The following PPARGC1A variants were observed in gnomAD, a reference collection of about 807,000 sequenced individuals.
PPARGC1A encodes the protein peroxisome proliferator-activated receptor gamma coactivator 1-alpha.
In PPARGC1A, 25 loss-of-function variants were observed where a neutral mutation model predicts 88.7. The ratio of observed to expected loss-of-function variants is 0.28; its 90% CI spans 0.21 to 0.39. The LOEUF (loss-of-function observed/expected upper bound fraction) is 0.39. PPARGC1A is among the 10% of genes least tolerant of loss of function. The probability of loss-of-function intolerance (pLI) is 1.00; values close to 1 mark genes in which losing one functional copy is unlikely to be tolerated. For synonymous variants in PPARGC1A, 363 were observed against 355.6 expected (o/e 1.02, Z -0.24); for missense variants, 880 against 968.7 (o/e 0.91, Z 1.22).
chr4:23,994,496 A>C, the PPARGC1A span, among the ~76,000 whole-genome samples: 1 of 152,166 alleles, frequency 6.6e-6, no homozygotes, highest in Non-Finnish European at 1.5e-5. Flanking sequence ...TATTGGGCAG[A>C]GAAGGGGGGG....
At chr4:24,175,570 T>C in the PPARGC1A span, among the ~76,000 whole-genome samples, 1 of 137,228 alleles carries the variant, frequency 7.3e-6, no homozygotes, top group Non-Finnish European at 1.6e-5. Flanking sequence ...GTATTTTTAG[T>C]AGAGATGGGG....
the PPARGC1A span, among the ~76,000 whole-genome samples, chr4:23,954,776 C>T: frequency 6.6e-6 from 1 of 151,944 alleles, no homozygotes; most frequent in Non-Finnish European, 1.5e-5. Context: ...ATATCTGAGT[C>T]AATTTCTCTA....
chr4:23,991,587 A>T, the PPARGC1A span, among the ~76,000 whole-genome samples: 5 of 152,070 alleles, frequency 3.3e-5, no homozygotes, highest in African/African-American at 1.2e-4. Context: ...AAAGAGGCAA[A>T]TCCTGCTCTT....
At chr4:23,814,698 T>A (rs1470497396) in intron 7 of PPARGC1A, 93 bp from the exon 8 acceptor site, 1 of 1,202,422 alleles carries the variant, frequency 8.3e-7, no homozygotes, top group Non-Finnish European at 1.1e-6. Flanking sequence ...GTTTCTAATT[T>A]TTCCAAGATT....
At chr4:24,344,758 T>C in the PPARGC1A span, among the ~76,000 whole-genome samples, 2 of 152,192 alleles carry the variant, frequency 1.3e-5, no homozygotes, top group Admixed American at 1.3e-4. Flanking sequence ...TTTAGTTTAA[T>C]TAGGTCCTAG....
chr4:24,433,914 C>A, the PPARGC1A span, among the ~76,000 whole-genome samples: 1 of 152,134 alleles, frequency 6.6e-6, no homozygotes, highest in African/African-American at 2.4e-5. Flanking sequence ...CCTTTATTAA[C>A]AAAAGGACAC....
chr4:24,348,487 G>GAA, the PPARGC1A span, among the ~76,000 whole-genome samples: 1 of 152,098 alleles, frequency 6.6e-6, no homozygotes, highest in Non-Finnish European at 1.5e-5. Context: ...CTTCTTGGAG[G>GAA]CTTTGTTCAT....
the PPARGC1A span, among the ~76,000 whole-genome samples, chr4:24,109,015 CA>C: frequency 6.7e-6 from 1 of 149,762 alleles, no homozygotes; most frequent in East Asian, 2.1e-4. Context: ...CACACACACA[CA>C]CACCACACAC....
the PPARGC1A span, among the ~76,000 whole-genome samples, chr4:24,126,984 C>T: frequency 6.6e-6 from 1 of 152,160 alleles, no homozygotes; most frequent in African/African-American, 2.4e-5. Flanking sequence ...CCTGGGTGGC[C>T]ATTTCCTATC....
In PPARGC1A at chr4:23,797,991, T is replaced by C. The variant is rs947369237; in HGVS notation, c.2294-2066A>G. On this transcript the variant is annotated intron_variant, in intron 12 of 12. Transcript: ENST00000264867. ...CCTGTTCCTGCCTTAACTGATGACA[T>C]TGTCTTGTGAAATTCCTTCTCCTGG... is the stretch of plus-strand genomic sequence containing the variant. Among the ~76,000 whole-genome samples the C allele has an allele frequency of 2.6e-4, 40 of 152,106 alleles. 2 individuals are homozygous for C. The highest frequency in any genetic ancestry group is 1.4e-4 in the African/African-American group (6 of 41,408).
the PPARGC1A span, among the ~76,000 whole-genome samples, chr4:24,003,441 A>G: frequency 1.3e-5 from 2 of 152,234 alleles, no homozygotes; most frequent in South Asian, 4.1e-4. Context: ...GTGCAGTCAA[A>G]GAAGATTGGC....
chr4:24,284,249 C>G, the PPARGC1A span, among the ~76,000 whole-genome samples: 1 of 152,070 alleles, frequency 6.6e-6, no homozygotes, highest in Admixed American at 6.6e-5. Flanking sequence ...GCAGAGGTTG[C>G]AATGAACCGA....
At chr4:23,990,739 A>G in the PPARGC1A span, among the ~76,000 whole-genome samples, 7 of 152,178 alleles carry the variant, frequency 4.6e-5, no homozygotes, top group African/African-American at 7.2e-5. Flanking sequence ...ACAGAAATGG[A>G]GGAGCATCCA....
the PPARGC1A span, among the ~76,000 whole-genome samples, chr4:24,022,418 C>A: frequency 1.3e-5 from 2 of 152,168 alleles, no homozygotes; most frequent in African/African-American, 4.8e-5. Flanking sequence ...CGGTTACTTA[C>A]TGTGCCTGTC....
the PPARGC1A span, among the ~76,000 whole-genome samples, chr4:24,015,903 G>A: frequency 6.6e-6 from 1 of 152,132 alleles, no homozygotes; most frequent in African/African-American, 2.4e-5. Context: ...CTGCTTTATT[G>A]CCAACAGTTG....
At chr4:24,163,837 G>A in the PPARGC1A span, among the ~76,000 whole-genome samples, 2 of 152,178 alleles carry the variant, frequency 1.3e-5, no homozygotes, top group Non-Finnish European at 2.9e-5. Context: ...GTTAGGCTGT[G>A]TTTAAGACGA....
At chr4:24,209,064 C>T in the PPARGC1A span, among the ~76,000 whole-genome samples, 1 of 152,128 alleles carries the variant, frequency 6.6e-6, no homozygotes, top group Admixed American at 6.5e-5. Context: ...CCACACTAGG[C>T]CTTGTCGAAG....
chr4:23,860,471 A>G (rs78585305), intron 2 of PPARGC1A, among the ~76,000 whole-genome samples: 1 of 152,010 alleles, frequency 6.6e-6, no homozygotes, highest in Non-Finnish European at 1.5e-5. Flanking sequence ...CTCTTACTAC[A>G]AAAAAAAGTA....
chr4:24,419,247 T>C, the PPARGC1A span, among the ~76,000 whole-genome samples: 2 of 151,518 alleles, frequency 1.3e-5, no homozygotes, highest in Admixed American at 6.6e-5. Context: ...CAGGACGCCA[T>C]CTGTTGCTCA....
Sources: gnomAD v4.1 joint callset for allele counts (sites outside exome capture counted in the v4.1 genomes callset) on GRCh38, gnomAD v4.1.1 for gene constraint, MANE v1.5 for transcripts, NCBI Gene and HGNC (gene_info 2026-07-23, HGNC 2026-07-21) for gene names.